The following DROSHA variants were observed in gnomAD, a reference collection of about 807,000 sequenced individuals.
The protein encoded by DROSHA is ribonuclease 3.
In DROSHA, 56 loss-of-function variants were observed where a neutral mutation model predicts 181.9. That is an observed-to-expected ratio of 0.31 (90% confidence interval 0.25 to 0.38). The LOEUF (loss-of-function observed/expected upper bound fraction) is 0.38. Ranked by LOEUF, DROSHA falls within the 10% of genes least tolerant of loss-of-function variation. The pLI is 1.00. For missense variants in DROSHA, 1,218 were observed against 1,743.5 expected, an observed-to-expected ratio of 0.70 and a Z score of 5.37; for synonymous variants, 524 against 591.2, an observed-to-expected ratio of 0.89 and a Z score of 1.65.
chr5:31,531,927 A>C, intron 1 of DROSHA, 63 bp downstream of exon 1: 1 of 170,216 alleles, frequency 5.9e-6, no homozygotes, highest in Non-Finnish European at 1.3e-5. Flanking sequence ...CGGAGACTCC[A>C]GCCCCGTTTA....
At chr5:31,474,262 A>C (rs1469963443) in intron 16 of DROSHA, among the ~76,000 whole-genome samples, 1 of 152,244 alleles carries the variant, frequency 6.6e-6, no homozygotes, top group African/African-American at 2.4e-5. Flanking sequence ...CCTCATTACA[A>C]AGCAACTGCC....
rs1737672261 is a variant in DROSHA at position 31,504,465 on chromosome 5, T to G, written c.1668+90A>C. ...GAATATGAAGAGAATTTTGATGGTATTATTTCATTTATGGGGGAAAGAACA... is the reference window on the plus strand; with the variant it reads ...GAATATGAAGAGAATTTTGATGGTAGTATTTCATTTATGGGGGAAAGAACA... On this transcript the variant is annotated intron_variant, in intron 11 of 35. Coordinates refer to ENST00000344624, the MANE Select transcript of DROSHA (RefSeq NM_001382508.1). 2.2e-6 allele frequency: 3 copies of G among 1,356,304 alleles called. No individual in the cohort carries two copies. In the Admixed American group the frequency reaches 6.0e-5, roughly 27 times the overall value. The allele number at this position is 1,356,304 out of a possible 1,614,324, so 84.0% of individuals were successfully genotyped here.
chr5:31,471,869 A>G (rs1206273659), intron 17 of DROSHA, among the ~76,000 whole-genome samples, 194 bp downstream of exon 17: 5 of 152,226 alleles, frequency 3.3e-5, no homozygotes, highest in Non-Finnish European at 1.5e-5. Flanking sequence ...TTACTAAATT[A>G]GGTGAATTTA....
intron 6 of DROSHA, among the ~76,000 whole-genome samples, chr5:31,518,570 C>A (rs1366358907): frequency 6.6e-6 from 1 of 152,192 alleles, no homozygotes; most frequent in East Asian, 1.9e-4. Context: ...CAGGTAATAA[C>A]GGCAACTCTT....
intron 30 of DROSHA, among the ~76,000 whole-genome samples, chr5:31,417,866 T>C (rs895462275): frequency 2.0e-5 from 3 of 151,910 alleles, no homozygotes; most frequent in South Asian, 4.1e-4. Flanking sequence ...GCATGTAAAA[T>C]GGATTGGGCA....
intron 16 of DROSHA, among the ~76,000 whole-genome samples, chr5:31,481,971 G>C (rs1751079062): frequency 6.6e-6 from 1 of 152,166 alleles, no homozygotes; most frequent in South Asian, 2.1e-4. Context: ...AGCAAAACTT[G>C]GCTGTGAATG....
chr5:31,431,461 T>A, intron 26 of DROSHA, 115 bp downstream of exon 26: 4 of 864,694 alleles, frequency 4.6e-6, no homozygotes, highest in East Asian at 3.2e-5. Flanking sequence ...CCTAGGAACC[T>A]CATGTGCTTT....
At chr5:31,460,310 T>C (rs497441) in intron 20 of DROSHA, among the ~76,000 whole-genome samples, 13,303 of 152,188 alleles carry the variant, frequency 0.087, 1,028 homozygotes, top group East Asian at 0.22. Flanking sequence ...TCGGTTCACA[T>C]ATAATTACAA....
chr5:31,421,477 G>C, intron 29 of DROSHA, 100 bp from the exon 30 acceptor site: 1 of 972,708 alleles, frequency 1.0e-6, no homozygotes, highest in Non-Finnish European at 1.6e-6. Flanking sequence ...AAAAGACAAT[G>C]TGTTCATTTT....
At chr5:31,508,484 A>T (rs775778008) in intron 10 of DROSHA, 137 bp downstream of exon 10, 5 of 1,268,018 alleles carry the variant, frequency 3.9e-6, no homozygotes, top group Non-Finnish European at 5.5e-6. Flanking sequence ...GAAGCTGAAA[A>T]GAAATAGCTC....
Position 31,409,196 on chromosome 5 carries a change from C to G in DROSHA, c.3751-37G>C, listed in dbSNP as rs369208371. ...CCCCAAAACTATTTAGTAATGGGTTCTGGAATCACCAAACATAAAGCAGAC... is the reference window on the plus strand; with the variant it reads ...CCCCAAAACTATTTAGTAATGGGTTGTGGAATCACCAAACATAAAGCAGAC... On this transcript the variant is annotated intron_variant, in intron 32 of 35. Transcript: ENST00000344624. The surrounding 1 kb of genome is among the most constrained non-coding windows in gnomAD (Gnocchi z 4.0). 1.2e-6 allele frequency: 2 copies of G among 1,609,324 alleles called. No individual in the cohort carries two copies. Among genetic ancestry groups the G allele is most frequent in the African/African-American group, 2.7e-5 (2 of 74,852 alleles).
intron 25 of DROSHA, among the ~76,000 whole-genome samples, chr5:31,432,621 T>C (rs892475538): frequency 6.6e-6 from 1 of 152,220 alleles, no homozygotes; most frequent in Non-Finnish European, 1.5e-5. Context: ...ATGAATTGGA[T>C]TGATCTTAAG....
chr5:31,429,783 T>C (rs911172542), intron 26 of DROSHA, among the ~76,000 whole-genome samples: 4 of 152,192 alleles, frequency 2.6e-5, no homozygotes, highest in Non-Finnish European at 5.9e-5. Context: ...ATATTGTAAG[T>C]AAAAGAGGCC....
chr5:31,404,571 T>C (rs1332312848), intron 35 of DROSHA, among the ~76,000 whole-genome samples: 3 of 152,300 alleles, frequency 2.0e-5, no homozygotes, highest in Admixed American at 2.0e-4. Context: ...AGCAGGGTAC[T>C]TGAAGCATAA....
chr5:31,496,210 G>C (rs927884046), intron 11 of DROSHA, among the ~76,000 whole-genome samples: 2 of 152,176 alleles, frequency 1.3e-5, no homozygotes, highest in African/African-American at 4.8e-5. Context: ...GCCAAGGTGG[G>C]AGGATTGCTT....
In DROSHA at chr5:31,477,319, T is replaced by C. The variant is rs73064355; in HGVS notation, c.2072-5087A>G. 8.6e-3 allele frequency among the ~76,000 whole-genome samples: 1,316 copies of C among 152,324 alleles called. 25 individuals carry two copies. The highest frequency in any genetic ancestry group is 0.03 in the African/African-American group (1,241 of 41,564). On this transcript the variant is annotated intron_variant, in intron 16 of 35. Coordinates refer to ENST00000344624, the MANE Select transcript of DROSHA (RefSeq NM_001382508.1). ...AAGAGTATTTCTCAACTGTTAGTACTCAACTTTAAGAAATACAAAAATATT... is the reference window on the plus strand; with the variant it reads ...AAGAGTATTTCTCAACTGTTAGTACCCAACTTTAAGAAATACAAAAATATT...
intron 11 of DROSHA, among the ~76,000 whole-genome samples, chr5:31,501,099 C>A (rs183106962): frequency 2.5e-3 from 387 of 152,272 alleles, no homozygotes; most frequent in Non-Finnish European, 4.0e-3. Context: ...CCCTGTCATT[C>A]CCCAAAGGGG....
intron 23 of DROSHA, among the ~76,000 whole-genome samples, chr5:31,445,496 C>T (rs1318127353): frequency 1.3e-5 from 2 of 152,080 alleles, no homozygotes; most frequent in East Asian, 1.9e-4. Flanking sequence ...CAAAACATCA[C>T]GGGAAAAGAA....
intron 4 of DROSHA, 25 bp downstream of exon 4, chr5:31,529,015 T>C: frequency 6.2e-7 from 1 of 1,612,742 alleles, no homozygotes; most frequent in Non-Finnish European, 8.5e-7. Context: ...TCCCAAACTA[T>C]TGCCATTCCC....
Sources: allele counts gnomAD v4.1 joint callset (sites outside exome capture counted in the v4.1 genomes callset), GRCh38; gene constraint gnomAD v4.1.1; non-coding constraint Gnocchi (gnomAD v3.1); transcripts MANE v1.5; gene names NCBI Gene and HGNC (gene_info 2026-07-23, HGNC 2026-07-21).